The following COP1 variants were observed in gnomAD, a reference collection of about 807,000 sequenced individuals.
The protein encoded by COP1 is E3 ubiquitin-protein ligase COP1.
Under a neutral mutation model 101.3 loss-of-function variants are expected in COP1, and 24 were observed. That is an observed-to-expected ratio of 0.24 (90% CI 0.17 to 0.33). The LOEUF (loss-of-function observed/expected upper bound fraction) is 0.33, where lower values mean the gene tolerates loss of function less well. Ranked by LOEUF, COP1 falls within the 10% of genes least tolerant of loss-of-function variation. The pLI, the probability that COP1 is intolerant of heterozygous loss-of-function variation, is 1.00. For synonymous variants in COP1, 347 were observed against 341.9 expected (o/e 1.01, Z -0.17); for missense variants, 663 against 906.2 (o/e 0.73, Z 3.45).
At chr1:176,015,091 G>C (rs1206858298) in intron 15 of COP1, among the ~76,000 whole-genome samples, 1 of 152,154 alleles carries the variant, frequency 6.6e-6, no homozygotes, top group Non-Finnish European at 1.5e-5. Flanking sequence ...TGAGACTGAA[G>C]AGTGTGCACT....
At chr1:175,946,808 G>A (rs1469530857) in intron 19 of COP1, among the ~76,000 whole-genome samples, 1 of 152,182 alleles carries the variant, frequency 6.6e-6, no homozygotes, top group Non-Finnish European at 1.5e-5. Context: ...TTTAAATCTG[G>A]TGATGTCTAA....
intron 15 of COP1, among the ~76,000 whole-genome samples, chr1:176,004,517 A>T (rs998462663): frequency 6.6e-6 from 1 of 151,404 alleles, no homozygotes; most frequent in African/African-American, 2.4e-5. Context: ...TTATTTTGAA[A>T]TACGTCCCAT....
chr1:176,014,528 TG>T (rs750332011), intron 15 of COP1, among the ~76,000 whole-genome samples: 87 of 152,198 alleles, frequency 5.7e-4, no homozygotes, highest in Non-Finnish European at 7.2e-4. Context: ...TAAGGCTATA[TG>T]GACATTTAAA....
chr1:176,040,123 T>C (rs7550344), intron 14 of COP1, among the ~76,000 whole-genome samples: 2,588 of 152,300 alleles, frequency 0.017, 72 homozygotes, highest in African/African-American at 0.058. Context: ...GAAAACAATT[T>C]TGTGCATTAA....
intron 9 of COP1, among the ~76,000 whole-genome samples, chr1:176,112,375 C>T (rs576826524): frequency 7.9e-5 from 12 of 151,848 alleles, no homozygotes; most frequent in Non-Finnish European, 1.8e-4. Context: ...AGGTTTGTTA[C>T]GTATATATAC....
chr1:176,070,332 G>A (rs1390730891), intron 11 of COP1, among the ~76,000 whole-genome samples: 2 of 138,202 alleles, frequency 1.4e-5, no homozygotes, highest in Non-Finnish European at 3.1e-5. Flanking sequence ...CACTTGTGCT[G>A]CCTTTTTTTT....
intron 11 of COP1, among the ~76,000 whole-genome samples, chr1:176,080,440 A>G (rs1678910373): frequency 6.6e-6 from 1 of 152,158 alleles, no homozygotes; most frequent in Admixed American, 6.5e-5. Flanking sequence ...ATGATAACAG[A>G]AAACAAAAAA....
At chr1:176,070,335 T>C (rs76668392) in intron 11 of COP1, among the ~76,000 whole-genome samples, 2 of 92,146 alleles carry the variant, frequency 2.2e-5, no homozygotes, top group South Asian at 3.2e-4. Flanking sequence ...TTGTGCTGCC[T>C]TTTTTTTTTT....
chr1:176,097,344 T>A (rs924456514), intron 9 of COP1, among the ~76,000 whole-genome samples: 4 of 152,106 alleles, frequency 2.6e-5, no homozygotes, highest in Middle Eastern at 3.2e-3. Context: ...AGCAAATAGA[T>A]CCCTCTCAAA....
chr1:176,045,968 G>GA lies in COP1; in HGVS notation c.1421+212dup, dbSNP rs1006990112. Reference sequence around the variant, plus strand: ...AAGAAGAACTTTAATTTGGCAACCAGAAAAAAAAAAAAGGCTAACCTCACA... The same window carrying GA: ...AAGAAGAACTTTAATTTGGCAACCAGAAAAAAAAAAAAAGGCTAACCTCACA... On this transcript the variant is annotated intron_variant, in intron 12 of 19. Transcript: ENST00000367669. 6.7e-3 allele frequency among the ~76,000 whole-genome samples: 802 copies of GA among 118,844 alleles called. 7 individuals are homozygous for GA. Among genetic ancestry groups the GA allele is most frequent in the African/African-American group, 0.022 (702 of 32,252 alleles). 78.0% of individuals were successfully genotyped at this position (118,844 alleles called of 152,430 possible). A position where few individuals can be genotyped will look rare whatever the true frequency, so the allele number is the denominator to read the frequency against.
At chr1:176,143,005 C>A (rs1390482575) in intron 6 of COP1, among the ~76,000 whole-genome samples, 1 of 151,396 alleles carries the variant, frequency 6.6e-6, no homozygotes, top group Non-Finnish European at 1.5e-5. Flanking sequence ...TAATAAAGAA[C>A]ATAAATAAAA....
intron 14 of COP1, among the ~76,000 whole-genome samples, chr1:176,036,520 A>AAAAAAAAC (rs1553232075): frequency 1.1e-3 from 151 of 142,790 alleles, no homozygotes; most frequent in Middle Eastern, 3.6e-3. Context: ...AAAAAAAAAA[A>AAAAAAAAC]AAAAAAGCAT....
At chr1:176,078,628 A>C (rs532503326) in intron 11 of COP1, among the ~76,000 whole-genome samples, 71 of 151,840 alleles carry the variant, frequency 4.7e-4, no homozygotes, top group African/African-American at 1.5e-3. Context: ...CAAAAAAAAA[A>C]ACAAAAATTG....
At chr1:176,171,268 C>T (rs1442818384) in intron 3 of COP1, among the ~76,000 whole-genome samples, 3 of 152,140 alleles carry the variant, frequency 2.0e-5, no homozygotes, top group African/African-American at 7.2e-5. Flanking sequence ...TGCTGCTTCA[C>T]CTTGTACTTC....
At position 176,072,889 on chromosome 1, in the gene COP1, T is replaced by C. The variant is rs199616588; in HGVS notation, c.1277+8263A>G. Among the ~76,000 whole-genome samples the C allele has an allele frequency of 3.3e-5, 5 of 152,300 alleles. No individual in the cohort carries two copies. The East Asian group carries it at 5.8e-4, about 18-fold the overall frequency. On this transcript the variant is annotated intron_variant, in intron 11 of 19. Transcript: ENST00000367669. The stretch of plus-strand genomic sequence containing the variant: ...AATATTCATTATTTTGACCTCCTTA[T>C]AGGAATAGGGATACACAGTGTCAGA...
intron 15 of COP1, among the ~76,000 whole-genome samples, chr1:175,999,893 A>G (rs540950549): frequency 9.9e-5 from 15 of 152,152 alleles, no homozygotes; most frequent in African/African-American, 3.6e-4. Context: ...CCAGTTTGCC[A>G]TTTATATGTC....
intron 11 of COP1, among the ~76,000 whole-genome samples, chr1:176,061,631 TAAAAAA>T (rs1340548718): frequency 1.3e-5 from 2 of 148,924 alleles, no homozygotes; most frequent in Non-Finnish European, 1.5e-5. Context: ...CGTCTCAAAA[TAAAAAA>T]AAGAAAAAGA....
At chr1:176,043,605 T>C (rs1489234672) in intron 13 of COP1, 105 bp downstream of exon 13, 1 of 739,406 alleles carries the variant, frequency 1.4e-6, no homozygotes, top group Non-Finnish European at 2.4e-6. Flanking sequence ...TAAAAAATAC[T>C]AAATAGTGAC....
chr1:176,065,703 G>A (rs1271488856), intron 11 of COP1, among the ~76,000 whole-genome samples: 1 of 133,894 alleles, frequency 7.5e-6, no homozygotes. Context: ...AGGGGATAAT[G>A]ATTTTTTTTT....
Sources: gnomAD v4.1 joint callset for allele counts (sites outside exome capture counted in the v4.1 genomes callset) on GRCh38, gnomAD v4.1.1 for gene constraint, MANE v1.5 for transcripts, NCBI Gene and HGNC (gene_info 2026-07-23, HGNC 2026-07-21) for gene names.